CHEK2: variants seen among roughly 807,000 people sequenced by gnomAD.
CHEK2 encodes the protein serine/threonine-protein kinase Chk2.
Under a neutral mutation model 69.1 loss-of-function variants are expected in CHEK2, and 71 were observed. The ratio of observed to expected loss-of-function variants is 1.03; its 90% CI spans 0.85 to 1.25. The LOEUF is 1.25. Among genes scored for constraint, CHEK2 ranks in the 50% most tolerant of loss-of-function variants. CHEK2 has a pLI of 0.00. For missense variants in CHEK2, 664 were observed against 649.6 expected (o/e 1.02, Z -0.24); for synonymous variants, 189 against 226.9 (o/e 0.83, Z 1.50).
intron 9 of CHEK2, among the ~76,000 whole-genome samples, chr22:28,698,490 T>G (rs552105954): frequency 1.3e-5 from 2 of 152,286 alleles, no homozygotes; most frequent in South Asian, 4.1e-4. Flanking sequence ...AAAAATTTTT[T>G]GCAAAATCTT....
At chr22:28,699,302 C>G (rs1389761078) in intron 9 of CHEK2, among the ~76,000 whole-genome samples, 1 of 149,596 alleles carries the variant, frequency 6.7e-6, no homozygotes, top group Non-Finnish European at 1.5e-5. Context: ...TATGCCTGGT[C>G]TATTTATTTC....
At chr22:28,698,585 CTG>C (rs1211952505) in intron 9 of CHEK2, among the ~76,000 whole-genome samples, 1 of 152,172 alleles carries the variant, frequency 6.6e-6, no homozygotes, top group Non-Finnish European at 1.5e-5. Flanking sequence ...GATCCTCACT[CTG>C]TACAAGGATT....
intron 13 of CHEK2, among the ~76,000 whole-genome samples, chr22:28,689,828 TGAG>T (rs927119919): frequency 2.0e-5 from 3 of 152,090 alleles, no homozygotes; most frequent in African/African-American, 7.2e-5. Context: ...GAGCAGGAGA[TGAG>T]GAGGGCACAG....
chr22:28,716,122 C>T (rs2053577809), intron 5 of CHEK2, among the ~76,000 whole-genome samples: 1 of 152,070 alleles, frequency 6.6e-6, no homozygotes. Context: ...ATACACCTGC[C>T]TTAGCTTCCC....
rs749156425 is a variant in CHEK2, at chr22:28,694,041, C to T, written c.1452G>A (p.Pro484=). ...ACTGTCCCACACCCACCTGAAGCCA[C>T]GGGTGTCTTAAGGCTTCTTCTGTCG... The part of the protein sequence containing the change: ...RFTTEEALRH[P]WLQDEDMKRK... Residue 484 remains proline (P), a synonymous_variant, in exon 13 of 15, where the codon CCG becomes CCA. Transcript: ENST00000404276. The T allele has an allele frequency of 1.2e-5, 19 of 1,594,088 alleles. No individual in the cohort carries two copies. The highest frequency in any genetic ancestry group is 1.1e-5 in the South Asian group (1 of 90,946).
chr22:28,734,527 T>C lies in CHEK2; in HGVS notation c.195A>G (p.Thr65=), dbSNP rs1411341011. 1 of 1,613,992 alleles carries C rather than the reference T, an allele frequency of 6.2e-7. No homozygotes were observed. ...TAGAATAGAGTTCCTGAGTGGACAC[T>C]GTCTCTAAGGAGCTCAGTGTCCCAG... ...SSSGTLSSLE[T]VSTQELYSIP... is the part of the protein sequence containing the mutation. The change falls in exon 2 of 15, where the codon ACA becomes ACG. Residue 65 remains threonine (T), a synonymous_variant. Transcript: ENST00000404276.
chr22:28,692,537 T>C (rs992314644), intron 13 of CHEK2, among the ~76,000 whole-genome samples: 2 of 152,264 alleles, frequency 1.3e-5, no homozygotes, highest in African/African-American at 4.8e-5. Context: ...TGAGCAAAAC[T>C]GTTAGGTGTA....
chr22:28,704,156 ACACAC>A (rs2053012804), intron 7 of CHEK2, among the ~76,000 whole-genome samples: 2 of 147,208 alleles, frequency 1.4e-5, no homozygotes, highest in South Asian at 4.4e-4. Flanking sequence ...ACACACACAC[ACACAC>A]ACCTATGGCT....
At chr22:28,698,087 T>A (rs1395906671) in intron 9 of CHEK2, among the ~76,000 whole-genome samples, 3 of 151,018 alleles carry the variant, frequency 2.0e-5, no homozygotes, top group African/African-American at 4.9e-5. Flanking sequence ...TAAAATTAAA[T>A]TTTTTTTTTA....
At chr22:28,730,439 G>T (rs2054177709) in intron 2 of CHEK2, 2 of 686,432 alleles carry the variant, frequency 2.9e-6, no homozygotes, top group Non-Finnish European at 2.7e-6. Context: ...AAACTGGCCG[G>T]GGATGGTGCC....
At chr22:28,720,759 C>T (rs2053746411) in intron 4 of CHEK2, among the ~76,000 whole-genome samples, 1 of 152,192 alleles carries the variant, frequency 6.6e-6, no homozygotes, top group South Asian at 2.1e-4. Flanking sequence ...TCCCTCTATG[C>T]TTGTAGCTAT....
At chr22:28,729,584 T>G (rs2054131766) in intron 2 of CHEK2, among the ~76,000 whole-genome samples, 1 of 147,352 alleles carries the variant, frequency 6.8e-6, no homozygotes, top group African/African-American at 2.5e-5. Flanking sequence ...CCAGGAAAGC[T>G]TGGTTGGTTT....
intron 8 of CHEK2, among the ~76,000 whole-genome samples, chr22:28,701,384 G>T (rs952141516): frequency 6.6e-6 from 1 of 151,870 alleles, no homozygotes; most frequent in African/African-American, 2.4e-5. Context: ...GCTAATTTTT[G>T]TATTTTTAGT....
chr22:28,726,035 T>C (rs1316016999), intron 2 of CHEK2, among the ~76,000 whole-genome samples: 1 of 151,888 alleles, frequency 6.6e-6, no homozygotes, highest in African/African-American at 2.4e-5. Context: ...AAACCCTGTC[T>C]CTACTAAAAA....
intron 5 of CHEK2, chr22:28,712,272 A>G (rs191271735): frequency 8.2e-6 from 4 of 488,118 alleles, no homozygotes; most frequent in African/African-American, 5.8e-5. Context: ...GTAGCCCTGG[A>G]TTGTGAAATT....
chr22:28,691,706 T>C (rs1464201686), intron 13 of CHEK2, among the ~76,000 whole-genome samples: 1 of 152,028 alleles, frequency 6.6e-6, no homozygotes, highest in African/African-American at 2.4e-5. Flanking sequence ...CAACAGTAAA[T>C]AAAATAAAAA....
At chr22:28,723,285 C>A (rs2053862541) in intron 4 of CHEK2, among the ~76,000 whole-genome samples, 2 of 152,140 alleles carry the variant, frequency 1.3e-5, no homozygotes, top group South Asian at 4.1e-4. Context: ...GCACTCACAG[C>A]CTAGTACCTG....
intron 1 of CHEK2, among the ~76,000 whole-genome samples, chr22:28,737,040 G>A (rs1430380123): frequency 6.6e-6 from 1 of 152,028 alleles, no homozygotes; most frequent in African/African-American, 2.4e-5. Context: ...CAAAAAAAAG[G>A]GAGGGAGAGG....
rs876659590 is a variant in CHEK2, at chr22:28,695,769, C to G, written c.1200G>C (p.Gly400=). 1 of 1,613,724 alleles carries G rather than the reference C, an allele frequency of 6.2e-7. No individual in the cohort carries two copies. Among genetic ancestry groups the G allele is most frequent in the African/African-American group, 1.3e-5 (1 of 74,928 alleles). ...YLAPEVLVSV[G]TAGYNRAVDC... is the part of the protein sequence containing the mutation. ...CCACAGCACGGTTATACCCAGCAGT[C>G]CCAACAGAAACAAGAACTTCAGGCG... Residue 400 remains glycine, a synonymous_variant, in exon 11 of 15, where the codon GGG becomes GGC. Coordinates refer to ENST00000404276, the MANE Select transcript of CHEK2 (RefSeq NM_007194.4).
Sources: gnomAD v4.1 joint callset for allele counts (sites outside exome capture counted in the v4.1 genomes callset) on GRCh38, gnomAD v4.1.1 for gene constraint, MANE v1.5 for transcripts, NCBI Gene and HGNC (gene_info 2026-07-23, HGNC 2026-07-21) for gene names.